The following GABRA3 variants were observed in gnomAD, a reference collection of about 807,000 sequenced individuals.
GABRA3 encodes the protein gamma-aminobutyric acid type A receptor subunit alpha3, also known as gamma-aminobutyric acid receptor subunit alpha-3.
Under a neutral mutation model 30.1 loss-of-function variants are expected in GABRA3, and 10 were observed. The observed-to-expected ratio is 0.33, with a 90% confidence interval of 0.20 to 0.56. The LOEUF (loss-of-function observed/expected upper bound fraction) is 0.56. Among genes scored for constraint, GABRA3 ranks in the 20% least tolerant of loss-of-function variants. The pLI, the probability that GABRA3 is intolerant of heterozygous loss-of-function variation, is 0.89. For synonymous variants in GABRA3, 151 were observed against 146.8 expected, an observed-to-expected ratio of 1.03 and a Z score of -0.21; for missense variants, 233 against 392.0, an observed-to-expected ratio of 0.59 and a Z score of 3.42.
chrX:152,179,937 C>T (rs1937123581), intron 9 of GABRA3, among the ~76,000 whole-genome samples: 1 of 111,171 alleles, frequency 9.0e-6, no homozygotes, highest in African/African-American at 3.3e-5. Context: ...TTGCCTATAC[C>T]ACATTTTCTT....
chrX:152,185,668 T>C (rs1000746758), intron 9 of GABRA3, among the ~76,000 whole-genome samples: 1 of 111,570 alleles, frequency 9.0e-6, no homozygotes, highest in African/African-American at 3.3e-5. Context: ...GGCCAACCAG[T>C]ACATAATAAA....
Position 152,168,039 on chromosome X carries a change from T to G in GABRA3, c.*189A>C. On this transcript the variant is annotated 3_prime_UTR_variant, in exon 10 of 10. Transcript: ENST00000370314. The stretch of plus-strand genomic sequence containing the variant: ...TTTGATGGGGTTATACTGGGCAATA[T>G]TGGAGGGACAAGTAATTTTTCTGTA... The G allele has an allele frequency of 2.3e-6, 1 of 442,064 alleles. No homozygotes were observed. Among genetic ancestry groups the G allele is most frequent in the Middle Eastern group, 6.2e-4 (1 of 1,612 alleles). The allele number at this position is 442,064 out of a possible 1,213,427, so 36.4% of individuals were successfully genotyped here. A position where few individuals can be genotyped will look rare whatever the true frequency, so the allele number is the denominator to read the frequency against.
chrX:152,280,903 C>T (rs1261580743), intron 4 of GABRA3, among the ~76,000 whole-genome samples: 2 of 110,844 alleles, frequency 1.8e-5, no homozygotes, highest in Non-Finnish European at 3.8e-5. Flanking sequence ...TAACATTACT[C>T]CTCTTTTCCC....
chrX:152,393,577 G>A (rs775210653), intron 1 of GABRA3: 7 of 303,738 alleles, frequency 2.3e-5, no homozygotes, highest in South Asian at 2.0e-4. Flanking sequence ...AATATGCCCA[G>A]ATGGACAGGA....
At chrX:152,369,143 G>C (rs939802886) in intron 1 of GABRA3, among the ~76,000 whole-genome samples, 3 of 111,022 alleles carry the variant, frequency 2.7e-5, no homozygotes, top group African/African-American at 6.6e-5. Context: ...ATAATGCCCA[G>C]TCTAACAGGT....
At chrX:152,224,923 T>A (rs1363798865) in intron 5 of GABRA3, 78 bp from the exon 6 acceptor site, 1 of 673,252 alleles carries the variant, frequency 1.5e-6, no homozygotes, top group African/African-American at 2.2e-5. Context: ...CCCACTCAGT[T>A]CCTAAGAATA....
At chrX:152,240,508 G>C (rs377345467) in intron 5 of GABRA3, among the ~76,000 whole-genome samples, 1 of 88,046 alleles carries the variant, frequency 1.1e-5, no homozygotes, top group Non-Finnish European at 2.1e-5. Context: ...TCTTTGTGGT[G>C]TTCTCTGTAT....
Position 152,339,583 on chromosome X carries a change from C to A in GABRA3, c.262+5998G>T, listed in dbSNP as rs1174595717. Among the ~76,000 whole-genome samples, 3 of 111,797 alleles carry A rather than the reference C, an allele frequency of 2.7e-5. No individual in the cohort carries two copies. In the Admixed American group the frequency reaches 2.9e-4, roughly 11 times the overall value. ...GTCTATTTTCATAAATGTTGCAGTA[C>A]ACTTGAAGAGAATGTGTATTTTGCT... On this transcript the variant is annotated intron_variant, in intron 3 of 9. Transcript: ENST00000370314.
intron 1 of GABRA3, among the ~76,000 whole-genome samples, chrX:152,446,479 C>CG (rs1931090625): frequency 9.1e-6 from 1 of 109,800 alleles, no homozygotes; most frequent in African/African-American, 3.3e-5. Context: ...CTGTACTCTT[C>CG]TAATTTTCCT....
intron 1 of GABRA3, among the ~76,000 whole-genome samples, chrX:152,395,268 C>G (rs912826994): frequency 9.0e-6 from 1 of 111,339 alleles, no homozygotes; most frequent in African/African-American, 3.3e-5. Flanking sequence ...CAGGAACAGA[C>G]AGCAAATATG....
At chrX:152,410,362 A>G (rs1930039668) in intron 1 of GABRA3, among the ~76,000 whole-genome samples, 1 of 111,602 alleles carries the variant, frequency 9.0e-6, no homozygotes, top group African/African-American at 3.3e-5. Flanking sequence ...AATAAAAAAA[A>G]GTGAAATTGG....
rs751004015 is a variant in GABRA3 at position 152,212,633 on chromosome X, A to ACCCATAGG, written c.635-4497_635-4490dup. Among the ~76,000 whole-genome samples the ACCCATAGG allele has an allele frequency of 1.2e-3, 136 of 111,723 alleles. 1 individual carries two copies. Among genetic ancestry groups the ACCCATAGG allele is most frequent in the Middle Eastern group, 9.2e-3 (2 of 218 alleles). ...ATCACAATGCCTTTTGGTGTCAGTG[A>ACCCATAGG]CCCATAGGCATAATATACTAGACAG... On this transcript the variant is annotated intron_variant, in intron 6 of 9. Transcript: ENST00000370314.
chrX:152,368,131 C>T (rs891833300), intron 1 of GABRA3, among the ~76,000 whole-genome samples: 15 of 111,610 alleles, frequency 1.3e-4, no homozygotes, highest in African/African-American at 4.6e-4. Context: ...GCTCATAATC[C>T]TCCCATTTCT....
At chrX:152,411,949 G>GT (rs1473068751) in intron 1 of GABRA3, among the ~76,000 whole-genome samples, 1 of 111,071 alleles carries the variant, frequency 9.0e-6, no homozygotes, top group Non-Finnish European at 1.9e-5. Flanking sequence ...CGATAAAGCT[G>GT]TTTTTTAAAA....
At chrX:152,436,851 G>A (rs960427635) in intron 1 of GABRA3, among the ~76,000 whole-genome samples, 8 of 111,054 alleles carry the variant, frequency 7.2e-5, no homozygotes, top group African/African-American at 2.3e-4. Context: ...AATGCAAAAG[G>A]TACAAGTCAT....
At chrX:152,190,777 TG>T (rs1178504250) in intron 8 of GABRA3, among the ~76,000 whole-genome samples, 1 of 110,328 alleles carries the variant, frequency 9.1e-6, no homozygotes, top group Non-Finnish European at 1.9e-5. Context: ...GATTCTTTTT[TG>T]GGGGGAGTGT....
At chrX:152,358,532 A>T (rs1256131065) in intron 2 of GABRA3, among the ~76,000 whole-genome samples, 1 of 111,330 alleles carries the variant, frequency 9.0e-6, no homozygotes, top group Non-Finnish European at 1.9e-5. Flanking sequence ...TATGCCTTTT[A>T]TATCTTTCTC....
chrX:152,384,065 C>A (rs1157676558), intron 1 of GABRA3, among the ~76,000 whole-genome samples: 1 of 109,622 alleles, frequency 9.1e-6, no homozygotes, highest in Non-Finnish European at 1.9e-5. Flanking sequence ...AAATCAGGAG[C>A]CTTTCTACAT....
chrX:152,292,440 CTTCT>C (rs1290242609), intron 3 of GABRA3, among the ~76,000 whole-genome samples: 2 of 110,985 alleles, frequency 1.8e-5, no homozygotes, highest in African/African-American at 6.6e-5. Flanking sequence ...TCTCTCGTTT[CTTCT>C]TTATTAGTCT....
Sources: allele counts gnomAD v4.1 joint callset (sites outside exome capture counted in the v4.1 genomes callset), GRCh38; gene constraint gnomAD v4.1.1; transcripts MANE v1.5; gene names NCBI Gene and HGNC (gene_info 2026-07-23, HGNC 2026-07-21).